The following MTUS2 variants were observed in gnomAD, a reference collection of about 807,000 sequenced individuals.
MTUS2 encodes microtubule associated scaffold protein 2, also known as microtubule-associated tumor suppressor candidate 2.
In MTUS2, 40 loss-of-function variants were observed where a neutral mutation model predicts 114.1. The observed-to-expected ratio is 0.35, with a 90% CI of 0.27 to 0.46. The LOEUF is 0.46. Among genes scored for constraint, MTUS2 ranks in the 20% least tolerant of loss-of-function variants. The pLI is 1.00. For missense variants in MTUS2, 1,679 were observed against 1,705.4 expected (o/e 0.98, Z 0.27); for synonymous variants, 688 against 672.0 (o/e 1.02, Z -0.37).
In MTUS2 at chr13:29,000,106, G is replaced by A. The variant is rs75690654; in HGVS notation, c.-242-24351G>A. 4.2e-3 allele frequency among the ~76,000 whole-genome samples: 633 copies of A among 152,290 alleles called. 8 individuals carry two copies. The highest frequency in any genetic ancestry group is 0.02 in the East Asian group (101 of 5,176). The stretch of plus-strand genomic sequence containing the variant: ...TTGGGAGAGTAGATATGTTTTTGAC[G>A]TATTGCTTTCATCCTTTGGGTGTAT... On this transcript the variant is annotated intron_variant, in intron 2 of 15. Transcript: ENST00000612955.
At chr13:28,939,701 G>C (rs1233483005) in intron 2 of MTUS2, among the ~76,000 whole-genome samples, 1 of 151,914 alleles carries the variant, frequency 6.6e-6, no homozygotes, top group African/African-American at 2.4e-5. Context: ...TTGCAAACCA[G>C]TTCACCTGCT....
intron 15 of MTUS2, 122 bp from the exon 16 acceptor site, chr13:29,502,871 C>G (rs1882996866): frequency 3.2e-6 from 3 of 945,088 alleles, no homozygotes; most frequent in Non-Finnish European, 1.6e-6. Context: ...ACTGGGTCAC[C>G]CTGGTCCCTG....
intron 4 of MTUS2, among the ~76,000 whole-genome samples, chr13:29,076,947 ATG>A (rs1889219595): frequency 6.6e-6 from 1 of 152,146 alleles, no homozygotes; most frequent in Non-Finnish European, 1.5e-5. Flanking sequence ...TGTTTATTAT[ATG>A]TTAGGCAATA....
intron 9 of MTUS2, among the ~76,000 whole-genome samples, chr13:29,455,267 G>C (rs1257729342): frequency 1.3e-5 from 2 of 152,162 alleles, no homozygotes; most frequent in African/African-American, 2.4e-5. Context: ...TGAAGGGTAG[G>C]CTGCACATAT....
intron 2 of MTUS2, among the ~76,000 whole-genome samples, chr13:28,877,753 C>T (rs954366742): frequency 2.0e-5 from 3 of 152,166 alleles, no homozygotes; most frequent in Non-Finnish European, 4.4e-5. Context: ...TATATTTTAT[C>T]TCTTGATGCC....
intron 8 of MTUS2, among the ~76,000 whole-genome samples, chr13:29,438,092 T>G (rs1877550589): frequency 6.6e-6 from 1 of 152,168 alleles, no homozygotes; most frequent in Admixed American, 6.5e-5. Context: ...CAACTTACAC[T>G]TGTATGAGCT....
intron 2 of MTUS2, among the ~76,000 whole-genome samples, chr13:28,907,414 A>T (rs560658627): frequency 6.6e-6 from 1 of 151,756 alleles, no homozygotes; most frequent in South Asian, 2.1e-4. Context: ...ATTAACTTTA[A>T]ATGTAAATGG....
chr13:29,074,440 A>C (rs1397603751), intron 4 of MTUS2, among the ~76,000 whole-genome samples: 1 of 152,138 alleles, frequency 6.6e-6, no homozygotes, highest in Admixed American at 6.6e-5. Context: ...TGTGTGTCTG[A>C]TAGCAGGAAC....
At chr13:29,077,638 A>C (rs746805884) in intron 4 of MTUS2, among the ~76,000 whole-genome samples, 1 of 152,212 alleles carries the variant, frequency 6.6e-6, no homozygotes, top group Non-Finnish European at 1.5e-5. Flanking sequence ...GTGCTCCAGC[A>C]GATTGTCAGC....
intron 8 of MTUS2, among the ~76,000 whole-genome samples, chr13:29,389,171 CTA>C (rs1161988959): frequency 3.5e-5 from 5 of 144,812 alleles, no homozygotes; most frequent in Non-Finnish European, 7.6e-5. Flanking sequence ...ATTGTTTTGA[CTA>C]TATATATATC....
In MTUS2 at chr13:29,024,759, G is replaced by A; in HGVS notation, c.61G>A (p.Ala21Thr). ...CYTQLRDNRN[A>T]ARNNNESILS... ...CACTCAGTTGCGGGACAACAGAAAT[G>A]CAGCAAGAAATAATAATGAAAGCAT... Residue 21 changes from alanine (A) to threonine (T), a missense_variant, in exon 3 of 16, where the codon GCA (alanine) becomes ACA (threonine). Coordinates refer to ENST00000612955, the MANE Select transcript of MTUS2 (RefSeq NM_001033602.4). 2 of 1,614,002 alleles carry A rather than the reference G, an allele frequency of 1.2e-6. No individual in the cohort carries two copies. Among genetic ancestry groups the A allele is most frequent in the East Asian group, 4.5e-5 (2 of 44,884 alleles).
chr13:28,976,779 C>T (rs1000417430), intron 2 of MTUS2, among the ~76,000 whole-genome samples: 3 of 152,132 alleles, frequency 2.0e-5, no homozygotes, highest in Admixed American at 2.0e-4. Flanking sequence ...TAGGAAGCAT[C>T]AGGAAGCTTT....
intron 5 of MTUS2, among the ~76,000 whole-genome samples, chr13:29,222,932 G>C (rs533377484): frequency 6.6e-6 from 1 of 152,292 alleles, no homozygotes; most frequent in African/African-American, 2.4e-5. Flanking sequence ...GAGCTGTCTC[G>C]GCCCCCTCTG....
At chr13:29,070,830 A>G (rs997937218) in intron 4 of MTUS2, among the ~76,000 whole-genome samples, 1 of 151,986 alleles carries the variant, frequency 6.6e-6, no homozygotes, top group African/African-American at 2.4e-5. Flanking sequence ...TACCTGTATC[A>G]TTACCTTTTT....
intron 1 of MTUS2, among the ~76,000 whole-genome samples, 170 bp downstream of exon 1, chr13:28,820,781 T>G (rs1468988598): frequency 6.6e-6 from 1 of 152,158 alleles, no homozygotes; most frequent in Non-Finnish European, 1.5e-5. Flanking sequence ...CCTGCCCACA[T>G]CACCTGCTCT....
intron 5 of MTUS2, among the ~76,000 whole-genome samples, chr13:29,157,180 G>A (rs1418905909): frequency 2.6e-5 from 4 of 152,096 alleles, no homozygotes; most frequent in Non-Finnish European, 4.4e-5. Context: ...GCTGTGAGGA[G>A]CATATCTGCA....
chr13:29,340,087 C>G (rs1298065963), intron 7 of MTUS2, among the ~76,000 whole-genome samples: 2 of 152,234 alleles, frequency 1.3e-5, no homozygotes. Context: ...CAAGCTGGCA[C>G]CCTCTGGCCA....
chr13:29,280,297 G>T (rs930432896), intron 5 of MTUS2, among the ~76,000 whole-genome samples: 4 of 152,190 alleles, frequency 2.6e-5, no homozygotes, highest in Non-Finnish European at 5.9e-5. Flanking sequence ...TCTTTGCATA[G>T]ATCAAATATA....
chr13:28,866,017 C>T (rs1381608463), intron 2 of MTUS2, among the ~76,000 whole-genome samples: 3 of 152,128 alleles, frequency 2.0e-5, no homozygotes, highest in African/African-American at 4.8e-5. Flanking sequence ...TTAGGTTTCT[C>T]ACTTGTCTGT....
Sources: allele counts gnomAD v4.1 joint callset (sites outside exome capture counted in the v4.1 genomes callset), GRCh38; gene constraint gnomAD v4.1.1; transcripts MANE v1.5; gene names NCBI Gene and HGNC (gene_info 2026-07-23, HGNC 2026-07-21).